The following NAALADL2 variants were observed in gnomAD, a reference collection of about 807,000 sequenced individuals.
The protein encoded by NAALADL2 is inactive N-acetylated-alpha-linked acidic dipeptidase-like protein 2.
In NAALADL2, 76 loss-of-function variants were observed where a neutral mutation model predicts 87.2. That is an observed-to-expected ratio of 0.87 (90% CI 0.72 to 1.05). The LOEUF is 1.05. Among genes scored for constraint, NAALADL2 ranks in the 50% least tolerant of loss-of-function variants. The pLI, the probability that NAALADL2 is intolerant of heterozygous loss-of-function variation, is 0.00. For missense variants in NAALADL2, 1,089 were observed against 945.8 expected, an observed-to-expected ratio of 1.15 and a Z score of -1.99; for synonymous variants, 354 against 331.0, an observed-to-expected ratio of 1.07 and a Z score of -0.75.
intron 5 of NAALADL2, among the ~76,000 whole-genome samples, chr3:175,415,381 A>G (rs16825667): frequency 0.18 from 27,589 of 152,116 alleles, 3,637 homozygotes; most frequent in African/African-American, 0.36. Context: ...TCACTAAAGA[A>G]CAACTCGGTT....
chr3:175,057,625 A>G (rs1330797583), intron 1 of NAALADL2, among the ~76,000 whole-genome samples: 2 of 152,192 alleles, frequency 1.3e-5, no homozygotes, highest in Non-Finnish European at 2.9e-5. Flanking sequence ...CTGTTTAATT[A>G]GGCTGTCAGC....
intron 11 of NAALADL2, chr3:175,675,210 A>G (rs1470279615): frequency 6.6e-6 from 1 of 152,208 alleles, no homozygotes; most frequent in Non-Finnish European, 1.5e-5. Context: ...GAATGTTATC[A>G]TTACCATTCC....
At chr3:175,569,849 CACACACAG>C (rs1291688549) in intron 9 of NAALADL2, among the ~76,000 whole-genome samples, 1 of 149,398 alleles carries the variant, frequency 6.7e-6, no homozygotes, top group Non-Finnish European at 1.5e-5. Context: ...CACACACACA[CACACACAG>C]ACACTTTATA....
intron 5 of NAALADL2, among the ~76,000 whole-genome samples, chr3:175,435,742 TTTCTAACC>T (rs1371792788): frequency 6.6e-6 from 1 of 152,038 alleles, no homozygotes; most frequent in East Asian, 1.9e-4. Context: ...TGGGGAAAGT[TTTCTAACC>T]TTTTTTGAGC....
intron 4 of NAALADL2, among the ~76,000 whole-genome samples, chr3:175,296,454 T>A (rs571012475): frequency 1.3e-5 from 2 of 152,320 alleles, no homozygotes; most frequent in Admixed American, 6.5e-5. Context: ...GGCATGCATA[T>A]GTTTAAACAG....
At chr3:175,169,676 G>T (rs1012708183) in intron 2 of NAALADL2, among the ~76,000 whole-genome samples, 39 of 151,426 alleles carry the variant, frequency 2.6e-4, no homozygotes, top group Non-Finnish European at 8.9e-5. Flanking sequence ...TGTCCGTGAT[G>T]CATCCCTTGT....
intron 1 of NAALADL2, among the ~76,000 whole-genome samples, chr3:175,042,308 A>G (rs1283340409): frequency 2.0e-5 from 3 of 152,164 alleles, no homozygotes; most frequent in African/African-American, 4.8e-5. Context: ...TCTTTGGAAT[A>G]CTATATATAC....
chr3:175,776,173 T>G (rs1750210898), intron 13 of NAALADL2: 1 of 152,142 alleles, frequency 6.6e-6, no homozygotes, highest in Admixed American at 6.6e-5. Context: ...GCCCTCTGAT[T>G]TGAAAACATA....
At chr3:175,418,338 T>A (rs1249338208) in intron 5 of NAALADL2, among the ~76,000 whole-genome samples, 1 of 152,112 alleles carries the variant, frequency 6.6e-6, no homozygotes, top group East Asian at 1.9e-4. Context: ...CTCAGCCAAA[T>A]TTTAAAAATA....
chr3:175,023,597 T>C (rs1290009147), intron 1 of NAALADL2, among the ~76,000 whole-genome samples: 1 of 152,090 alleles, frequency 6.6e-6, no homozygotes, highest in African/African-American at 2.4e-5. Context: ...AGAAATACTT[T>C]AAACCTTACC....
At chr3:175,590,070 G>A (rs1330001672) in intron 10 of NAALADL2, among the ~76,000 whole-genome samples, 1 of 151,912 alleles carries the variant, frequency 6.6e-6, no homozygotes, top group Non-Finnish European at 1.5e-5. Flanking sequence ...AAATTAGCCG[G>A]GCGTGGTGGC....
chr3:174,552,726 G>A (rs1489312552), intron 2 of NAALADL2, among the ~76,000 whole-genome samples: 1 of 146,124 alleles, frequency 6.8e-6, no homozygotes, highest in Non-Finnish European at 1.5e-5. Flanking sequence ...AGCCCTGAAG[G>A]TTGAGGCTGC....
At chr3:175,797,422 AAC>A (rs752239438) in intron 13 of NAALADL2, among the ~76,000 whole-genome samples, 7 of 152,156 alleles carry the variant, frequency 4.6e-5, no homozygotes, top group Non-Finnish European at 8.8e-5. Context: ...GATCTATGCT[AAC>A]ACAATCTATT....
intron 1 of NAALADL2, among the ~76,000 whole-genome samples, chr3:175,081,759 C>T (rs570901964): frequency 2.6e-5 from 4 of 152,242 alleles, no homozygotes; most frequent in South Asian, 2.1e-4. Context: ...AATTTACTTC[C>T]GAACTGGTAA....
intron 2 of NAALADL2, among the ~76,000 whole-genome samples, chr3:175,157,424 C>T (rs1055631393): frequency 1.3e-5 from 2 of 151,982 alleles, no homozygotes; most frequent in African/African-American, 2.4e-5. Context: ...GTCAGAGTTG[C>T]TGTGATTAAC....
chr3:174,911,558 G>A (rs930248192), intron 1 of NAALADL2, among the ~76,000 whole-genome samples: 1 of 152,020 alleles, frequency 6.6e-6, no homozygotes. Flanking sequence ...TTTAGGGAGG[G>A]GCAATATAGG....
intron 4 of NAALADL2, among the ~76,000 whole-genome samples, chr3:175,321,149 G>A (rs1156688242): frequency 1.4e-5 from 2 of 147,342 alleles, no homozygotes; most frequent in Non-Finnish European, 3.0e-5. Flanking sequence ...TGATCAAGTG[G>A]GCTTCATCCC....
At chr3:175,727,938 G>T (rs1743153969) in intron 11 of NAALADL2, among the ~76,000 whole-genome samples, 1 of 152,186 alleles carries the variant, frequency 6.6e-6, no homozygotes. Flanking sequence ...TGTTGGGGCT[G>T]AGGGAACAGG....
intron 2 of NAALADL2, among the ~76,000 whole-genome samples, chr3:174,565,342 C>T (rs1008767830): frequency 1.3e-5 from 2 of 151,982 alleles, no homozygotes; most frequent in Non-Finnish European, 2.9e-5. Flanking sequence ...GCCTCCCTTC[C>T]CCCAAATCCT....
Sources: gnomAD v4.1 joint callset for allele counts (sites outside exome capture counted in the v4.1 genomes callset) on GRCh38, gnomAD v4.1.1 for gene constraint, MANE v1.5 for transcripts, NCBI Gene and HGNC (gene_info 2026-07-23, HGNC 2026-07-21) for gene names.